GRID1: variants seen among roughly 807,000 people sequenced by gnomAD.
GRID1 encodes glutamate receptor ionotropic, delta-1.
GRID1 carries 28 observed loss-of-function variants against 98.0 expected under a neutral mutation model. That is an observed-to-expected ratio of 0.29 (90% CI 0.21 to 0.39). The LOEUF is 0.39. GRID1 is among the 10% of genes least tolerant of loss of function. The probability of loss-of-function intolerance (pLI) is 1.00; values close to 1 mark genes in which losing one functional copy is unlikely to be tolerated. For synonymous variants in GRID1, 553 were observed against 538.5 expected, an observed-to-expected ratio of 1.03 and a Z score of -0.37; for missense variants, 1,111 against 1,340.5, an observed-to-expected ratio of 0.83 and a Z score of 2.67.
intron 4 of GRID1, among the ~76,000 whole-genome samples, chr10:85,938,685 C>G (rs1403813192): frequency 6.6e-6 from 1 of 152,156 alleles, no homozygotes; most frequent in East Asian, 1.9e-4. Flanking sequence ...CAACAGTATT[C>G]TGGGGGCCAA....
chr10:86,115,812 C>T (rs1240505196), intron 4 of GRID1, among the ~76,000 whole-genome samples: 4 of 152,194 alleles, frequency 2.6e-5, no homozygotes, highest in Non-Finnish European at 4.4e-5. Context: ...AACATGTGTA[C>T]GATCAGGCAC....
intron 8 of GRID1, among the ~76,000 whole-genome samples, chr10:85,784,221 T>G (rs1590230576): frequency 6.6e-6 from 1 of 152,228 alleles, no homozygotes; most frequent in Admixed American, 6.5e-5. Context: ...GTTAAAAGCA[T>G]GCCAGATGTA....
intron 2 of GRID1, among the ~76,000 whole-genome samples, chr10:86,226,933 C>A (rs1485682169): frequency 6.6e-6 from 1 of 152,134 alleles, no homozygotes; most frequent in Non-Finnish European, 1.5e-5. Context: ...GCTGCTTTTC[C>A]TGATTTGGTG....
intron 13 of GRID1, among the ~76,000 whole-genome samples, chr10:85,624,045 T>A (rs1332866239): frequency 2.0e-5 from 3 of 152,144 alleles, no homozygotes; most frequent in Non-Finnish European, 2.9e-5. Flanking sequence ...TCAAACCAAC[T>A]CCTTCTTCCT....
chr10:86,093,997 A>G (rs1844184405), intron 4 of GRID1, among the ~76,000 whole-genome samples: 1 of 152,246 alleles, frequency 6.6e-6, no homozygotes, highest in African/African-American at 2.4e-5. Context: ...ATAATCCACC[A>G]TGATCAAGTG....
rs116511326 is a variant in GRID1 at position 86,355,125 on chromosome 10, T to C, written c.235+8816A>G. 7.6e-3 allele frequency among the ~76,000 whole-genome samples: 1,159 copies of C among 152,354 alleles called. 11 individuals carry two copies. The highest frequency in any genetic ancestry group is 0.025 in the African/African-American group (1,039 of 41,582). ...CCTGTGCTCACCCTGGGCTGGGCTA[T>C]TCTAGTGCATTTCCTCAACTGATCC... On this transcript the variant is annotated intron_variant, in intron 2 of 15. Transcript: ENST00000327946.
chr10:85,982,311 A>C (rs1373684110), intron 4 of GRID1, among the ~76,000 whole-genome samples: 2 of 152,146 alleles, frequency 1.3e-5, no homozygotes, highest in African/African-American at 2.4e-5. Flanking sequence ...TGTACACCTT[A>C]AATATATACT....
intron 2 of GRID1, among the ~76,000 whole-genome samples, chr10:86,266,869 C>T (rs1847112262): frequency 6.6e-6 from 1 of 152,136 alleles, no homozygotes; most frequent in South Asian, 2.1e-4. Flanking sequence ...GTGGGACTCC[C>T]CCTACCCCTC....
chr10:85,954,718 A>G (rs1842167966), intron 4 of GRID1, among the ~76,000 whole-genome samples: 1 of 152,200 alleles, frequency 6.6e-6, no homozygotes, highest in African/African-American at 2.4e-5. Context: ...GGTCCTTCCG[A>G]ACTGGCAGAA....
intron 2 of GRID1, among the ~76,000 whole-genome samples, chr10:86,213,591 C>T (rs1364168523): frequency 6.6e-6 from 1 of 152,110 alleles, no homozygotes; most frequent in Non-Finnish European, 1.5e-5. Flanking sequence ...GGCCTTTTCC[C>T]ACACCCAGAT....
chr10:85,824,472 A>G (rs1327774822), intron 8 of GRID1, among the ~76,000 whole-genome samples: 1 of 152,182 alleles, frequency 6.6e-6, no homozygotes, highest in Admixed American at 6.5e-5. Context: ...TTGGCCTCCC[A>G]AGGTGCTGGC....
chr10:85,688,336 A>G (rs1250889664), intron 12 of GRID1, among the ~76,000 whole-genome samples: 1 of 152,146 alleles, frequency 6.6e-6, no homozygotes, highest in African/African-American at 2.4e-5. Flanking sequence ...AAATAACTTG[A>G]TTAGTCATTA....
chr10:86,257,281 CT>C (rs1334466275), intron 2 of GRID1, among the ~76,000 whole-genome samples: 2 of 152,184 alleles, frequency 1.3e-5, no homozygotes, highest in African/African-American at 4.8e-5. Context: ...CCTTAGGGCT[CT>C]ATCCTCAGAC....
intron 6 of GRID1, among the ~76,000 whole-genome samples, chr10:85,866,691 T>C (rs1297773117): frequency 6.6e-6 from 1 of 152,168 alleles, no homozygotes; most frequent in African/African-American, 2.4e-5. Context: ...TTAATTTTAA[T>C]TATGACTCTG....
chr10:86,335,167 G>A (rs758593970), intron 2 of GRID1, among the ~76,000 whole-genome samples: 2 of 152,192 alleles, frequency 1.3e-5, no homozygotes, highest in South Asian at 2.1e-4. Context: ...CGGCTCCTCC[G>A]AGTTGATTTG....
At chr10:86,132,799 A>C (rs755072743) in intron 4 of GRID1, among the ~76,000 whole-genome samples, 1 of 152,238 alleles carries the variant, frequency 6.6e-6, no homozygotes, top group Non-Finnish European at 1.5e-5. Flanking sequence ...ATTGATTTGA[A>C]GACAGGACTA....
At chr10:85,724,712 C>CCAGCAG in intron 10 of GRID1, 36 bp from the exon 11 acceptor site, 1 of 1,550,362 alleles carries the variant, frequency 6.5e-7, no homozygotes, top group Non-Finnish European at 8.8e-7. Context: ...GACGGCAGTC[C>CCAGCAG]TCAGCTTACT....
At chr10:86,363,124 G>A (rs1848622751) in intron 2 of GRID1, among the ~76,000 whole-genome samples, 1 of 152,288 alleles carries the variant, frequency 6.6e-6, no homozygotes, top group African/African-American at 2.4e-5. Context: ...AAGGTTGAAG[G>A]GGAGGGACTA....
intron 2 of GRID1, among the ~76,000 whole-genome samples, chr10:86,247,589 A>G (rs1320797781): frequency 6.6e-6 from 1 of 152,260 alleles, no homozygotes; most frequent in African/African-American, 2.4e-5. Context: ...GCAGAAGGCT[A>G]GAAGGAAAGG....
Sources: gnomAD v4.1 joint callset for allele counts (sites outside exome capture counted in the v4.1 genomes callset) on GRCh38, gnomAD v4.1.1 for gene constraint, MANE v1.5 for transcripts, NCBI Gene and HGNC (gene_info 2026-07-23, HGNC 2026-07-21) for gene names.